The following CDKAL1 variants were observed in gnomAD, a reference collection of about 807,000 sequenced individuals.
CDKAL1 encodes the protein CDKAL1 threonylcarbamoyladenosine tRNA methylthiotransferase.
Under a neutral mutation model 68.2 loss-of-function variants are expected in CDKAL1, and 32 were observed. The observed-to-expected ratio is 0.47, with a 90% confidence interval of 0.35 to 0.63. CDKAL1 has a LOEUF of 0.63. CDKAL1 is among the 30% of genes least tolerant of loss of function. The pLI is 0.00. For synonymous variants in CDKAL1, 234 were observed against 244.3 expected, an observed-to-expected ratio of 0.96 and a Z score of 0.39; for missense variants, 606 against 696.7, an observed-to-expected ratio of 0.87 and a Z score of 1.47.
At chr6:20,685,894 A>G (rs1485920400) in intron 5 of CDKAL1, among the ~76,000 whole-genome samples, 1 of 152,008 alleles carries the variant, frequency 6.6e-6, no homozygotes, top group Non-Finnish European at 1.5e-5. Flanking sequence ...TGGCTCTTGT[A>G]GTTTATTTTC....
At chr6:21,114,244 T>C (rs1774281321) in intron 13 of CDKAL1, among the ~76,000 whole-genome samples, 2 of 94,078 alleles carry the variant, frequency 2.1e-5, no homozygotes, top group Admixed American at 1.1e-4. Flanking sequence ...CAAGACTCTG[T>C]CTCAAAAAAA....
chr6:21,205,692 A>T (rs1377403656), intron 15 of CDKAL1, among the ~76,000 whole-genome samples: 11 of 140,832 alleles, frequency 7.8e-5, no homozygotes, highest in Admixed American at 6.4e-4. Context: ...CACCACGCCC[A>T]GCTAATTGTT....
intron 9 of CDKAL1, among the ~76,000 whole-genome samples, chr6:20,901,415 C>G (rs1320308486): frequency 6.6e-6 from 1 of 152,022 alleles, no homozygotes; most frequent in Non-Finnish European, 1.5e-5. Flanking sequence ...TGGCTCACAC[C>G]TGTAATCCCA....
At chr6:20,646,766 A>G (rs7745175) in intron 4 of CDKAL1, among the ~76,000 whole-genome samples, 26,093 of 152,042 alleles carry the variant, frequency 0.17, 2,413 homozygotes, top group Non-Finnish European at 0.18. Context: ...ATTTTGAGAC[A>G]GAGTTTTGCT....
At chr6:21,123,399 T>C (rs888117158) in intron 13 of CDKAL1, among the ~76,000 whole-genome samples, 2 of 152,084 alleles carry the variant, frequency 1.3e-5, no homozygotes, top group Admixed American at 1.3e-4. Context: ...GAGGTTACAG[T>C]AAGCCAAGAA....
chr6:20,975,591 T>C (rs1020758214), intron 10 of CDKAL1, among the ~76,000 whole-genome samples: 8 of 151,986 alleles, frequency 5.3e-5, no homozygotes, highest in African/African-American at 1.9e-4. Flanking sequence ...AAGTGATATT[T>C]AAGCAACACG....
At position 21,135,640 on chromosome 6, in the gene CDKAL1, C is replaced by T. The variant is rs1732899742; in HGVS notation, c.1299+27177C>T. 3 of 953,350 alleles carry T rather than the reference C, an allele frequency of 3.1e-6. No homozygotes were observed. In the African/African-American group the frequency reaches 5.3e-5, roughly 17 times the overall value. 59.1% of individuals were successfully genotyped at this position (953,350 alleles called of 1,614,324 possible). On this transcript the variant is annotated intron_variant, in intron 13 of 15. Coordinates refer to ENST00000274695, the MANE Select transcript of CDKAL1 (RefSeq NM_017774.3). ...ACAACATAATTTAATTTTCTTCTTCCAGCAACATAGAAACTATTGGACTGT... is the reference window on the plus strand; with the variant it reads ...ACAACATAATTTAATTTTCTTCTTCTAGCAACATAGAAACTATTGGACTGT...
chr6:20,539,282 A>T lies in CDKAL1; in HGVS notation c.-6+3888A>T, dbSNP rs978917008. 6.6e-6 allele frequency among the ~76,000 whole-genome samples: 1 copy of T among 152,168 alleles called. No homozygotes were observed. The highest frequency in any genetic ancestry group is 1.5e-5 in the Non-Finnish European group (1 of 68,022). On this transcript the variant is annotated intron_variant, in intron 2 of 15. Transcript: ENST00000274695. This position sits in a 1 kb window ranked among gnomAD's most constrained non-coding sequence, Gnocchi z 4.3. ...TTGCCCGACTGTGTAGTCTGCAGTA[A>T]AAGTATTTATTGAGAACCTGCAATG... is the stretch of plus-strand genomic sequence containing the variant.
chr6:20,837,295 T>C (rs1361603645), intron 8 of CDKAL1, among the ~76,000 whole-genome samples: 1 of 150,488 alleles, frequency 6.6e-6, no homozygotes, highest in Non-Finnish European at 1.5e-5. Context: ...AAATATAAGA[T>C]TTTTTTTTTC....
At chr6:20,732,243 T>A (rs2150314657) in intron 5 of CDKAL1, among the ~76,000 whole-genome samples, 1 of 147,904 alleles carries the variant, frequency 6.8e-6, no homozygotes, top group Non-Finnish European at 1.5e-5. Context: ...TTTCTTTTTT[T>A]CTTTTTCTTT....
At chr6:20,733,337 C>T (rs979077177) in intron 5 of CDKAL1, among the ~76,000 whole-genome samples, 34 of 152,126 alleles carry the variant, frequency 2.2e-4, no homozygotes, top group African/African-American at 8.0e-4. Flanking sequence ...CAGTGACTAT[C>T]TTTGTGTCTT....
rs190899040 is a variant in CDKAL1, at chr6:21,119,040, C to T, written c.1299+10577C>T. 2.2e-3 allele frequency among the ~76,000 whole-genome samples: 332 copies of T among 152,238 alleles called. 3 individuals carry two copies. The highest frequency in any genetic ancestry group is 2.1e-3 in the Non-Finnish European group (143 of 68,016). On this transcript the variant is annotated intron_variant, in intron 13 of 15. Transcript: ENST00000274695. ...TTCTTATGGACACTTTCATTTCTAA[C>T]TTAAAAGTTTCACTGGATATAGCTG...
At chr6:21,140,780 T>G (rs144178860) in intron 13 of CDKAL1, among the ~76,000 whole-genome samples, 198 of 152,310 alleles carry the variant, frequency 1.3e-3, no homozygotes, top group African/African-American at 4.5e-3. Flanking sequence ...GCTATGTGTA[T>G]TAGTCCGTTT....
chr6:21,131,333 TC>T (rs1330247287), intron 13 of CDKAL1, among the ~76,000 whole-genome samples: 5 of 152,184 alleles, frequency 3.3e-5, no homozygotes, highest in Admixed American at 2.6e-4. Context: ...ATTTCAGAAA[TC>T]CCAGTTTATG....
At chr6:20,762,658 G>A (rs929280025) in intron 7 of CDKAL1, among the ~76,000 whole-genome samples, 1 of 152,156 alleles carries the variant, frequency 6.6e-6, no homozygotes, top group Admixed American at 6.5e-5. Context: ...AGCTTAAAAT[G>A]GTCAGGATTA....
chr6:21,064,500 T>C (rs750156535), intron 11 of CDKAL1, among the ~76,000 whole-genome samples: 20 of 152,168 alleles, frequency 1.3e-4, no homozygotes, highest in Non-Finnish European at 2.8e-4. Context: ...AACATCAACA[T>C]AGGTATATAG....
intron 4 of CDKAL1, among the ~76,000 whole-genome samples, chr6:20,618,770 C>G (rs935810713): frequency 7.2e-5 from 11 of 152,034 alleles, no homozygotes; most frequent in Non-Finnish European, 1.5e-4. Context: ...CCTCGACTTC[C>G]CAGGCTCAGC....
chr6:20,783,356 A>G (rs536499250), intron 8 of CDKAL1, among the ~76,000 whole-genome samples: 1 of 152,242 alleles, frequency 6.6e-6, no homozygotes, highest in South Asian at 2.1e-4. Flanking sequence ...CTGCATGGTA[A>G]CTTTCCAGGT....
intron 13 of CDKAL1, among the ~76,000 whole-genome samples, chr6:21,135,436 T>G (rs16884554): frequency 0.25 from 38,087 of 152,052 alleles, 4,855 homozygotes; most frequent in South Asian, 0.35. Flanking sequence ...CATGAGAGTA[T>G]GCAGGATGAT....
Sources: gnomAD v4.1 joint callset for allele counts (sites outside exome capture counted in the v4.1 genomes callset) on GRCh38, gnomAD v4.1.1 for gene constraint, Gnocchi (gnomAD v3.1) non-coding constraint, MANE v1.5 for transcripts, NCBI Gene and HGNC (gene_info 2026-07-23, HGNC 2026-07-21) for gene names.